LARP1: variants seen among roughly 807,000 people sequenced by gnomAD.
LARP1 encodes the protein la-related protein 1.
A neutral mutation model predicts 122.7 loss-of-function variants in LARP1; 36 were observed. That is an observed-to-expected ratio of 0.29 (90% CI 0.22 to 0.39). LARP1 has a LOEUF of 0.39. Ranked by LOEUF, LARP1 falls within the 10% of genes least tolerant of loss-of-function variation. The pLI is 1.00. For synonymous variants in LARP1, 539 were observed against 528.7 expected, an observed-to-expected ratio of 1.02 and a Z score of -0.27; for missense variants, 1,040 against 1,403.6, an observed-to-expected ratio of 0.74 and a Z score of 4.14.
intron 1 of LARP1, among the ~76,000 whole-genome samples, chr5:154,747,305 CAAAAAAAA>C (rs1159076798): frequency 5.4e-5 from 4 of 74,586 alleles, no homozygotes; most frequent in Non-Finnish European, 1.1e-4. Flanking sequence ...GACTCTGTCC[CAAAAAAAA>C]AAAAAAAGAA....
chr5:154,809,962 C>T (rs980890493), intron 16 of LARP1, among the ~76,000 whole-genome samples: 1 of 152,142 alleles, frequency 6.6e-6, no homozygotes, highest in South Asian at 2.1e-4. Flanking sequence ...CTGTCTCAGC[C>T]TCCCAAAGTG....
Position 154,816,061 on chromosome 5 carries a change from A to C in LARP1, c.*1965A>C, listed in dbSNP as rs1759646642. ...TGCCCTTTACCTTGGGCACCTTGTT[A>C]ATTTTTAGCCTGTGCCCTTCCCCAC... On this transcript the variant is annotated 3_prime_UTR_variant, in exon 19 of 19. Coordinates refer to ENST00000518297, the MANE Select transcript of LARP1 (RefSeq NM_033551.3). The C allele has an allele frequency of 6.6e-6, 1 of 152,518 alleles. No individual in the cohort carries two copies. Among genetic ancestry groups the C allele is most frequent in the South Asian group, 2.1e-4 (1 of 4,826 alleles). 9.4% of individuals were successfully genotyped at this position (152,518 alleles called of 1,614,324 possible). A position where few individuals can be genotyped will look rare whatever the true frequency, so the allele number is the denominator to read the frequency against.
chr5:154,781,209 G>C (rs1756397181), intron 1 of LARP1, among the ~76,000 whole-genome samples: 1 of 152,204 alleles, frequency 6.6e-6, no homozygotes, highest in Non-Finnish European at 1.5e-5. Flanking sequence ...CTAGCAACCT[G>C]TCTGAGACGA....
rs142973618 is a variant in LARP1 at position 154,693,056 on chromosome 5, C to G, written c.-180+10019C>G. Among the ~76,000 whole-genome samples the G allele has an allele frequency of 5.5e-3, 822 of 148,420 alleles. 58 individuals carry two copies. In the East Asian group the frequency reaches 0.15, roughly 28 times the overall value. On this transcript the variant is annotated intron_variant, in intron 1 of 18. Coordinates refer to the LARP1 transcript ENST00000687700. ...CCCCGGCTGTTCTCGAACTCCTGGG[C>G]TCAAGGGATCCTCCTGCCTCAGCCT...
In LARP1 at chr5:154,802,504, C is replaced by A; in HGVS notation, c.2109+105C>A. On this transcript the variant is annotated intron_variant, in intron 11 of 18. Coordinates refer to ENST00000518297, the MANE Select transcript of LARP1 (RefSeq NM_033551.3). This position sits in a 1 kb window ranked among gnomAD's most constrained non-coding sequence, Gnocchi z 5.1. ...CAATTTTAGGCAGGTCCTTATAATT[C>A]AGAGTCTCAGGATTTTTATATATGG... The A allele has an allele frequency of 7.5e-7, 1 of 1,342,194 alleles. No individual in the cohort carries two copies. The highest frequency in any genetic ancestry group is 9.9e-7 in the Non-Finnish European group (1 of 1,006,674). The allele number at this position is 1,342,194 out of a possible 1,614,324, so 83.1% of individuals were successfully genotyped here.
intron 1 of LARP1, among the ~76,000 whole-genome samples, chr5:154,770,433 C>T (rs1295429867): frequency 6.6e-6 from 1 of 152,084 alleles, no homozygotes; most frequent in Admixed American, 6.6e-5. Flanking sequence ...CAAAGCCATG[C>T]TGAGGACAGG....
At chr5:154,726,025 A>C (rs1022768473) in intron 1 of LARP1, among the ~76,000 whole-genome samples, 3 of 55,154 alleles carry the variant, frequency 5.4e-5, no homozygotes, top group African/African-American at 3.1e-4. Context: ...TTTTTAGTAG[A>C]GACGGGTTAT....
chr5:154,766,771 T>C (rs919702650), intron 1 of LARP1, among the ~76,000 whole-genome samples: 2 of 152,222 alleles, frequency 1.3e-5, no homozygotes, highest in Admixed American at 1.3e-4. Flanking sequence ...ACAGATAGGC[T>C]GCTACCCTGA....
chr5:154,772,165 T>G (rs993248175), intron 1 of LARP1, among the ~76,000 whole-genome samples: 1 of 152,224 alleles, frequency 6.6e-6, no homozygotes, highest in Non-Finnish European at 1.5e-5. Context: ...GCCACGTAAA[T>G]TAAAATTTTC....
At chr5:154,739,337 A>C (rs1757094606) in intron 1 of LARP1, among the ~76,000 whole-genome samples, 1 of 151,814 alleles carries the variant, frequency 6.6e-6, no homozygotes, top group Non-Finnish European at 1.5e-5. Flanking sequence ...AAGATTCTAA[A>C]GGGATTTGCT....
At chr5:154,709,109 G>T (rs555948705), upstream of LARP1, among the ~76,000 whole-genome samples, 1 of 152,286 alleles carries the variant, frequency 6.6e-6, no homozygotes, top group Admixed American at 6.5e-5. Context: ...GCCAAAAGAG[G>T]AACACGTGTC....
At chr5:154,726,944 C>T (rs901039299) in intron 1 of LARP1, among the ~76,000 whole-genome samples, 1 of 152,210 alleles carries the variant, frequency 6.6e-6, no homozygotes, top group Admixed American at 6.5e-5. Flanking sequence ...ACGAGAACAG[C>T]ATGGGGGAAA....
intron 1 of LARP1, among the ~76,000 whole-genome samples, chr5:154,773,164 A>T (rs1755583320): frequency 6.6e-6 from 1 of 151,786 alleles, no homozygotes; most frequent in African/African-American, 2.4e-5. Flanking sequence ...AAACGTACGA[A>T]TGGGGGCTTC....
At chr5:154,770,261 T>A (rs1423261192) in intron 1 of LARP1, among the ~76,000 whole-genome samples, 3 of 151,976 alleles carry the variant, frequency 2.0e-5, no homozygotes, top group Non-Finnish European at 4.4e-5. Flanking sequence ...CTAGCTGTTT[T>A]GTCCTGAGAC....
chr5:154,754,466 G>C (rs1753672505), upstream of LARP1, among the ~76,000 whole-genome samples: 3 of 152,188 alleles, frequency 2.0e-5, no homozygotes. Context: ...TAAAATCTCA[G>C]ATCTCAGAAG....
chr5:154,713,539 A>C (rs953727830), intron 1 of LARP1, among the ~76,000 whole-genome samples: 4 of 152,204 alleles, frequency 2.6e-5, no homozygotes, highest in Non-Finnish European at 4.4e-5. Flanking sequence ...TCTGTCTGTG[A>C]GATCTTATCT....
intron 1 of LARP1, among the ~76,000 whole-genome samples, chr5:154,758,765 T>G (rs559339549): frequency 5.4e-4 from 82 of 152,318 alleles, no homozygotes; most frequent in Non-Finnish European, 9.8e-4. Context: ...TAGCCTTACT[T>G]TTGGCTCAAA....
intron 1 of LARP1, among the ~76,000 whole-genome samples, chr5:154,721,760 C>T (rs1239536433): frequency 6.6e-6 from 1 of 152,182 alleles, no homozygotes; most frequent in East Asian, 1.9e-4. Context: ...AGAACCAATC[C>T]AGAGAAGGCT....
Position 154,702,989 on chromosome 5 carries a change from C to T in LARP1, c.-180+19952C>T, listed in dbSNP as rs181192598. Reference sequence around the variant, plus strand: ...AAAAAAAATTAGCCGGGCGTGGTGGCGCGTGCCTGCAGTCCCAGCTACTCA... The same window carrying T: ...AAAAAAAATTAGCCGGGCGTGGTGGTGCGTGCCTGCAGTCCCAGCTACTCA... On this transcript the variant is annotated intron_variant, in intron 1 of 18. Transcript: ENST00000687700. Among the ~76,000 whole-genome samples, 364 of 151,926 alleles carry T rather than the reference C, an allele frequency of 2.4e-3. 1 individual carries two copies. The highest frequency in any genetic ancestry group is 4.2e-3 in the Non-Finnish European group (286 of 67,942).
Sources: allele counts gnomAD v4.1 joint callset (sites outside exome capture counted in the v4.1 genomes callset), GRCh38; gene constraint gnomAD v4.1.1; non-coding constraint Gnocchi (gnomAD v3.1); transcripts MANE v1.5; gene names NCBI Gene and HGNC (gene_info 2026-07-23, HGNC 2026-07-21).